The following RBFOX1 variants were observed in gnomAD, a reference collection of about 807,000 sequenced individuals.
RBFOX1 encodes the protein RNA binding fox-1 homolog 1.
RBFOX1 carries 8 observed loss-of-function variants against 57.7 expected under a neutral mutation model. The ratio of observed to expected loss-of-function variants is 0.14; its 90% confidence interval spans 0.08 to 0.25. The LOEUF is 0.25. Among genes scored for constraint, RBFOX1 ranks in the 10% least tolerant of loss-of-function variants. The probability of loss-of-function intolerance (pLI) is 1.00; values close to 1 mark genes in which losing one functional copy is unlikely to be tolerated. For missense variants in RBFOX1, 611 were observed against 548.5 expected, an observed-to-expected ratio of 1.11 and a Z score of -1.14; for synonymous variants, 326 against 222.4, an observed-to-expected ratio of 1.47 and a Z score of -4.15.
chr16:5,346,664 G>A (rs1051736930), intron 1 of RBFOX1, among the ~76,000 whole-genome samples: 13 of 152,190 alleles, frequency 8.5e-5, no homozygotes, highest in Admixed American at 2.0e-4. Context: ...AGTGGAGTGT[G>A]CTGTGGGAGT....
chr16:6,153,518 T>C (rs1392047405), intron 1 of RBFOX1, among the ~76,000 whole-genome samples: 1 of 152,036 alleles, frequency 6.6e-6, no homozygotes, highest in African/African-American at 2.4e-5. Context: ...TCCTCCAAGT[T>C]CCCAAAGTCC....
chr16:7,687,187 C>G (rs774669043), intron 14 of RBFOX1, among the ~76,000 whole-genome samples: 3 of 151,944 alleles, frequency 2.0e-5, no homozygotes, highest in Non-Finnish European at 4.4e-5. Flanking sequence ...TATTGAAGTA[C>G]ACGTGACAAC....
At chr16:5,948,043 G>A (rs753164446) in intron 4 of RBFOX1, among the ~76,000 whole-genome samples, 5 of 152,194 alleles carry the variant, frequency 3.3e-5, no homozygotes, top group Non-Finnish European at 7.3e-5. Flanking sequence ...AACCAACGCT[G>A]CTCAGGAGAG....
At chr16:5,441,571 G>T (rs560755635) in intron 1 of RBFOX1, among the ~76,000 whole-genome samples, 1 of 152,052 alleles carries the variant, frequency 6.6e-6, no homozygotes, top group East Asian at 1.9e-4. Flanking sequence ...CACCATGTTG[G>T]CCAGGCTGCT....
chr16:6,429,353 G>A (rs1311821187), intron 2 of RBFOX1, among the ~76,000 whole-genome samples: 1 of 152,160 alleles, frequency 6.6e-6, no homozygotes, highest in African/African-American at 2.4e-5. Context: ...TGACCCTAGG[G>A]GCTAGCCCCT....
intron 4 of RBFOX1, among the ~76,000 whole-genome samples, chr16:5,980,181 G>A (rs889302023): frequency 2.0e-5 from 3 of 152,202 alleles, no homozygotes; most frequent in African/African-American, 7.2e-5. Flanking sequence ...CGGGCATAAA[G>A]GTCAAGTGTT....
intron 4 of RBFOX1, among the ~76,000 whole-genome samples, chr16:7,164,678 C>G (rs991891483): frequency 6.6e-6 from 1 of 152,170 alleles, no homozygotes; most frequent in African/African-American, 2.4e-5. Flanking sequence ...ATTTCAAAAT[C>G]GTGTGCACAT....
At position 5,574,330 on chromosome 16, in the gene RBFOX1, C is replaced by T. The variant is rs551510757; in HGVS notation, c.259-24572C>T. Among the ~76,000 whole-genome samples the T allele has an allele frequency of 1.3e-4, 20 of 152,304 alleles. No homozygotes were observed. The South Asian group carries it at 4.2e-3, about 32-fold the overall frequency. ...TGTATCTGTCTGTAGCCTCCTAACT[C>T]TCTGTATAGGTTACTGATTCTCATC... On this transcript the variant is annotated intron_variant, in intron 2 of 2. Transcript: ENST00000585867.
At chr16:5,759,137 T>C (rs746721800) in intron 3 of RBFOX1, among the ~76,000 whole-genome samples, 1 of 152,194 alleles carries the variant, frequency 6.6e-6, no homozygotes, top group Non-Finnish European at 1.5e-5. Flanking sequence ...TTTTGATGTT[T>C]ATTTTTGGCA....
intron 2 of RBFOX1, among the ~76,000 whole-genome samples, chr16:5,584,536 C>G (rs1328193753): frequency 4.6e-5 from 7 of 152,196 alleles, no homozygotes; most frequent in Non-Finnish European, 8.8e-5. Flanking sequence ...GCACAGAGAC[C>G]AAGGGTAGGC....
chr16:7,280,439 T>G (rs573471701), intron 4 of RBFOX1, among the ~76,000 whole-genome samples: 57 of 152,306 alleles, frequency 3.7e-4, no homozygotes, highest in Middle Eastern at 3.4e-3. Flanking sequence ...TCACCTCACC[T>G]TTGTCCAAAG....
intron 5 of RBFOX1, among the ~76,000 whole-genome samples, chr16:7,574,848 C>A (rs1189669809): frequency 1.3e-5 from 2 of 152,172 alleles, no homozygotes; most frequent in African/African-American, 4.8e-5. Flanking sequence ...TTCATTCCTC[C>A]TTCTCCTAGA....
intron 2 of RBFOX1, among the ~76,000 whole-genome samples, chr16:6,371,848 A>G (rs1163788744): frequency 6.6e-6 from 1 of 152,208 alleles, no homozygotes; most frequent in African/African-American, 2.4e-5. Flanking sequence ...TACATTATCT[A>G]GGTTAAAATT....
At chr16:5,995,127 G>C (rs558791682) in intron 4 of RBFOX1, among the ~76,000 whole-genome samples, 1 of 152,116 alleles carries the variant, frequency 6.6e-6, no homozygotes, top group African/African-American at 2.4e-5. Flanking sequence ...ACTATAACCT[G>C]CTTCGAAATG....
intron 5 of RBFOX1, among the ~76,000 whole-genome samples, chr16:7,561,437 T>C (rs2090343991): frequency 6.6e-6 from 1 of 152,208 alleles, no homozygotes. Flanking sequence ...TCCGAACATA[T>C]ATTTACTCTC....
chr16:6,902,644 C>T (rs2068769057), intron 3 of RBFOX1, among the ~76,000 whole-genome samples: 2 of 152,132 alleles, frequency 1.3e-5, no homozygotes, highest in Admixed American at 6.5e-5. Flanking sequence ...ATTGCTTGAA[C>T]CCAGGAGGCA....
intron 2 of RBFOX1, among the ~76,000 whole-genome samples, chr16:6,477,642 T>C (rs2095294242): frequency 6.6e-6 from 1 of 152,190 alleles, no homozygotes; most frequent in Non-Finnish European, 1.5e-5. Flanking sequence ...GAGCCTTGCT[T>C]TCAATTTAAA....
intron 4 of RBFOX1, among the ~76,000 whole-genome samples, chr16:5,944,517 G>C (rs2152269179): frequency 6.6e-6 from 1 of 152,198 alleles, no homozygotes; most frequent in East Asian, 1.9e-4. Flanking sequence ...TTTGTATTAA[G>C]CTACATCTGG....
chr16:6,695,321 C>T (rs2060853935), intron 3 of RBFOX1, among the ~76,000 whole-genome samples: 1 of 145,076 alleles, frequency 6.9e-6, no homozygotes, highest in African/African-American at 2.6e-5. Context: ...GAGGCTGAGG[C>T]AGGAGAATCG....
Sources: allele counts gnomAD v4.1 joint callset (sites outside exome capture counted in the v4.1 genomes callset), GRCh38; gene constraint gnomAD v4.1.1; transcripts MANE v1.5; gene names NCBI Gene and HGNC (gene_info 2026-07-23, HGNC 2026-07-21).